The following SLC8A1 variants were observed in gnomAD, a reference collection of about 807,000 sequenced individuals.
SLC8A1 encodes solute carrier family 8 member A1.
A neutral mutation model predicts 68.3 loss-of-function variants in SLC8A1; 18 were observed. The ratio of observed to expected loss-of-function variants is 0.26; its 90% CI spans 0.18 to 0.39. The LOEUF (loss-of-function observed/expected upper bound fraction) is 0.39, where lower values mean the gene tolerates loss of function less well. Among genes scored for constraint, SLC8A1 ranks in the 10% least tolerant of loss-of-function variants. The pLI is 1.00. For missense variants in SLC8A1, 985 were observed against 1,156.7 expected (o/e 0.85, Z 2.15); for synonymous variants, 475 against 415.5 (o/e 1.14, Z -1.74).
intron 2 of SLC8A1, among the ~76,000 whole-genome samples, chr2:40,279,803 C>T (rs1032675361): frequency 2.0e-5 from 3 of 152,140 alleles, no homozygotes; most frequent in Non-Finnish European, 2.9e-5. Context: ...TGAGCTCTCA[C>T]GTGCCCCCAA....
chr2:40,371,726 G>C (rs1445365670), intron 2 of SLC8A1, among the ~76,000 whole-genome samples: 1 of 152,110 alleles, frequency 6.6e-6, no homozygotes, highest in Non-Finnish European at 1.5e-5. Flanking sequence ...AACTGTCTTT[G>C]AGATGGGATG....
At position 40,121,678 on chromosome 2, in the gene SLC8A1, G is replaced by A. The variant is rs191796567; in HGVS notation, c.2438-6049C>T. ...GAAATGAGTTAACATGAATAGAATAGGGCCTGGCACTTAATGGGTGTTCAG... is the reference window on the plus strand; with the variant it reads ...GAAATGAGTTAACATGAATAGAATAAGGCCTGGCACTTAATGGGTGTTCAG... On this transcript the variant is annotated intron_variant, in intron 7 of 7. Transcript: ENST00000406785. Among the ~76,000 whole-genome samples, 6 of 152,226 alleles carry A rather than the reference G, an allele frequency of 3.9e-5. No individual in the cohort carries two copies. The East Asian group carries it at 1.2e-3, about 30-fold the overall frequency.
intron 2 of SLC8A1, among the ~76,000 whole-genome samples, chr2:40,418,642 A>G (rs761720168): frequency 1.3e-5 from 2 of 152,236 alleles, no homozygotes; most frequent in Non-Finnish European, 2.9e-5. Context: ...TGAGTAACAC[A>G]TGCTTCCCCT....
intron 2 of SLC8A1, among the ~76,000 whole-genome samples, chr2:40,200,976 ACT>A (rs2054257069): frequency 6.6e-6 from 1 of 151,470 alleles, no homozygotes; most frequent in Admixed American, 6.6e-5. Flanking sequence ...TCCACACAAC[ACT>A]CTCTTCTCTT....
At chr2:40,477,976 A>G (rs954842040) in intron 1 of SLC8A1, among the ~76,000 whole-genome samples, 4 of 152,234 alleles carry the variant, frequency 2.6e-5, no homozygotes, top group Non-Finnish European at 4.4e-5. Context: ...AAGGTACTGT[A>G]TAAATAAATG....
At chr2:40,371,393 T>C (rs1020522820) in intron 2 of SLC8A1, among the ~76,000 whole-genome samples, 8 of 152,096 alleles carry the variant, frequency 5.3e-5, no homozygotes, top group South Asian at 2.1e-4. Context: ...GGCAGTCCTG[T>C]TGACTCTCAT....
intron 3 of SLC8A1, among the ~76,000 whole-genome samples, chr2:40,177,558 T>A (rs1171634635): frequency 1.3e-5 from 2 of 152,212 alleles, no homozygotes; most frequent in Non-Finnish European, 2.9e-5. Flanking sequence ...TTAGTTGGCA[T>A]TTCCTGAAGA....
exon 8 of SLC8A1, chr2:40,111,816 T>C (rs2034571132): frequency 6.6e-6 from 1 of 152,140 alleles, no homozygotes; most frequent in Non-Finnish European, 1.5e-5. Flanking sequence ...ACCATCAATT[T>C]TGGGATTGGA....
chr2:40,343,318 T>C (rs1668286831), intron 2 of SLC8A1, among the ~76,000 whole-genome samples: 1 of 152,188 alleles, frequency 6.6e-6, no homozygotes, highest in Non-Finnish European at 1.5e-5. Flanking sequence ...AACATGTCTA[T>C]GAACATCACC....
chr2:40,306,270 G>A (rs2072571730), intron 2 of SLC8A1, among the ~76,000 whole-genome samples: 2 of 152,190 alleles, frequency 1.3e-5, no homozygotes, highest in Non-Finnish European at 2.9e-5. Context: ...GCAGAGCTGA[G>A]AAAAGAAATA....
At chr2:40,353,796 G>A (rs2149453703) in intron 2 of SLC8A1, among the ~76,000 whole-genome samples, 2 of 152,286 alleles carry the variant, frequency 1.3e-5, no homozygotes, top group South Asian at 4.1e-4. Context: ...TGGCAGCGAA[G>A]CGCTCTACCA....
intron 2 of SLC8A1, among the ~76,000 whole-genome samples, chr2:40,415,421 A>G (rs955742093): frequency 6.8e-6 from 1 of 147,716 alleles, no homozygotes; most frequent in Non-Finnish European, 1.5e-5. Flanking sequence ...GTTCTAATCC[A>G]TATGGAAAAA....
intron 2 of SLC8A1, among the ~76,000 whole-genome samples, chr2:40,414,525 GATTT>G (rs964372816): frequency 6.6e-6 from 1 of 152,064 alleles, no homozygotes; most frequent in African/African-American, 2.4e-5. Context: ...GTACTTGCAT[GATTT>G]ATTATTCCTT....
chr2:40,158,096 A>G (rs1418554714), intron 6 of SLC8A1, among the ~76,000 whole-genome samples: 1 of 152,232 alleles, frequency 6.6e-6, no homozygotes, highest in Non-Finnish European at 1.5e-5. Flanking sequence ...AATTTTGCAC[A>G]GAAAATTGCA....
chr2:40,442,397 C>CA (rs550977492), intron 1 of SLC8A1, among the ~76,000 whole-genome samples: 19,683 of 75,626 alleles, frequency 0.26, 1,493 homozygotes, highest in Middle Eastern at 0.4. Context: ...CTTAAATTTA[C>CA]AAAAAAAAAA....
intron 2 of SLC8A1, among the ~76,000 whole-genome samples, chr2:40,307,244 A>G (rs2072824669): frequency 6.6e-6 from 1 of 152,158 alleles, no homozygotes; most frequent in African/African-American, 2.4e-5. Flanking sequence ...TCCCTGTCAC[A>G]TGGTACACGG....
intron 2 of SLC8A1, among the ~76,000 whole-genome samples, chr2:40,238,314 G>GT (rs913620677): frequency 1.3e-5 from 2 of 152,212 alleles, no homozygotes; most frequent in Non-Finnish European, 2.9e-5. Flanking sequence ...GTGGTGGGCC[G>GT]TTTTTTAAGC....
At chr2:40,457,331 C>T (rs904039430) in intron 1 of SLC8A1, among the ~76,000 whole-genome samples, 3 of 152,198 alleles carry the variant, frequency 2.0e-5, no homozygotes, top group East Asian at 3.9e-4. Flanking sequence ...AATGTCCCTG[C>T]GAGATTACAC....
chr2:40,382,831 A>C (rs778587310), intron 2 of SLC8A1, among the ~76,000 whole-genome samples: 9 of 152,140 alleles, frequency 5.9e-5, no homozygotes, highest in Non-Finnish European at 1.2e-4. Context: ...TTTTAAAATT[A>C]TTTAAAATTC....
Sources: gnomAD v4.1 joint callset for allele counts (sites outside exome capture counted in the v4.1 genomes callset) on GRCh38, gnomAD v4.1.1 for gene constraint, MANE v1.5 for transcripts, NCBI Gene and HGNC (gene_info 2026-07-23, HGNC 2026-07-21) for gene names.